VARS2: variants seen among roughly 807,000 people sequenced by gnomAD.
The protein encoded by VARS2 is valine--tRNA ligase, mitochondrial.
In VARS2, 105 loss-of-function variants were observed where a neutral mutation model predicts 154.1. The ratio of observed to expected loss-of-function variants is 0.68; its 90% CI spans 0.58 to 0.80. VARS2 has a LOEUF of 0.80. Among genes scored for constraint, VARS2 ranks in the 30% least tolerant of loss-of-function variants. The probability of loss-of-function intolerance (pLI) is 0.00; values close to 1 mark genes in which losing one functional copy is unlikely to be tolerated. For synonymous variants in VARS2, 483 were observed against 539.5 expected (o/e 0.90, Z 1.45); for missense variants, 1,157 against 1,361.4 (o/e 0.85, Z 2.36).
rs1202610690 is a variant in VARS2 at position 30,915,708 on chromosome 6, A to G, written c.385-38A>G. 13 of 1,608,532 alleles carry G rather than the reference A, an allele frequency of 8.1e-6. 1 individual carries two copies. Among genetic ancestry groups the G allele is most frequent in the Middle Eastern group, 1.7e-4 (1 of 6,048 alleles). On this transcript the variant is annotated intron_variant, in intron 4 of 29. Coordinates refer to ENST00000676266, the MANE Select transcript of VARS2 (RefSeq NM_020442.6). The stretch of plus-strand genomic sequence containing the variant: ...TAGAGGGTGCTCTTTCCCCAATCCA[A>G]TTCTCTCTTGCCCCTTTGACTTTTT...
Position 30,921,334 on chromosome 6 carries a change from G to A in VARS2, c.1632+29G>A, listed in dbSNP as rs1487713586. 14 of 1,613,488 alleles carry A rather than the reference G, an allele frequency of 8.7e-6. No individual in the cohort carries two copies. In the Admixed American group the frequency reaches 1.3e-4, roughly 15 times the overall value. ...GGTAGGAAGAAGCACCCGGAGGGCC[G>A]AGTGTGGCACAGAGCACCTAGCCCA... On this transcript the variant is annotated intron_variant, in intron 17 of 29. Coordinates refer to ENST00000676266, the MANE Select transcript of VARS2 (RefSeq NM_020442.6). This position sits in a 1 kb window ranked among gnomAD's most constrained non-coding sequence, Gnocchi z 4.6.
In VARS2 at chr6:30,925,704, C is replaced by G. The variant is rs762055720; in HGVS notation, c.2946C>G (p.Val982=). 3.7e-6 allele frequency: 6 copies of G among 1,610,992 alleles called. No individual in the cohort carries two copies. In the African/African-American group the frequency reaches 5.3e-5, roughly 14 times the overall value. Residue 982 remains valine, a synonymous_variant, in exon 28 of 30, where the codon GTC becomes GTG. Coordinates refer to ENST00000676266, the MANE Select transcript of VARS2 (RefSeq NM_020442.6). ...AQAPLSDTAQ[V]YMELQGLVDP... ...CTCCACTCAGTGACACGGCTCAAGT[C>G]TACATGGAGCTGCAGGTGACCAGAG...
In VARS2 at chr6:30,915,226, G is replaced by A. The variant is rs1458568879; in HGVS notation, c.272G>A (p.Gly91Asp). Residue 91 changes from glycine to aspartate, a missense_variant, in exon 3 of 30, where the codon GGT (glycine) becomes GAT (aspartate). By Grantham distance (94) the Gly-to-Asp change is moderately conservative. Transcript: ENST00000676266. ...LVLYEIPTKPGEKKDVSGPLP... is the reference protein window; with the variant it reads ...LVLYEIPTKPDEKKDVSGPLP... Reference sequence around the variant, plus strand: ...TTGTATGAAATCCCTACGAAACCCGGTGAAAAGAAAGGTAAGTAGAATAAG... The same window carrying A: ...TTGTATGAAATCCCTACGAAACCCGATGAAAAGAAAGGTAAGTAGAATAAG... 6.2e-7 allele frequency: 1 copy of A among 1,614,184 alleles called. No homozygotes were observed. Among genetic ancestry groups the A allele is most frequent in the Non-Finnish European group, 8.5e-7 (1 of 1,180,014 alleles).
Position 30,916,734 on chromosome 6 carries a change from A to T in VARS2, c.672-144A>T. 1.3e-6 allele frequency: 1 copy of T among 752,852 alleles called. No homozygotes were observed. The highest frequency in any genetic ancestry group is 2.2e-6 in the Non-Finnish European group (1 of 445,390). The allele number at this position is 752,852 out of a possible 1,614,324, so 46.6% of individuals were successfully genotyped here. Reference sequence around the variant, plus strand: ...AACCCCATACTGGGTTTGTAAGTCCATTTCTATTAGCCTCTAGAGGCTAGA... The same window carrying T: ...AACCCCATACTGGGTTTGTAAGTCCTTTTCTATTAGCCTCTAGAGGCTAGA... On this transcript the variant is annotated intron_variant, in intron 7 of 29. Coordinates refer to ENST00000676266, the MANE Select transcript of VARS2 (RefSeq NM_020442.6). This position sits in a 1 kb window ranked among gnomAD's most constrained non-coding sequence, Gnocchi z 4.0.
chr6:30,926,369 T>A lies in VARS2; in HGVS notation c.*159T>A. 1.4e-6 allele frequency: 1 copy of A among 737,514 alleles called. No individual in the cohort carries two copies. The highest frequency in any genetic ancestry group is 2.2e-6 in the Non-Finnish European group (1 of 445,768). 45.7% of individuals were successfully genotyped at this position (737,514 alleles called of 1,614,324 possible). On this transcript the variant is annotated 3_prime_UTR_variant, in exon 30 of 30. Coordinates refer to ENST00000676266, the MANE Select transcript of VARS2 (RefSeq NM_020442.6). ...ACTGGCTTGGTCGCAGTGACTGTGG[T>A]GTCCTTGAGATGCTCACATTACTGC...
At position 30,920,548 on chromosome 6, in the gene VARS2, G is replaced by C. The variant is rs1794444259; in HGVS notation, c.1397+112G>C. 7.4e-7 allele frequency: 1 copy of C among 1,359,216 alleles called. No individual in the cohort carries two copies. 84.2% of individuals were successfully genotyped at this position (1,359,216 alleles called of 1,614,324 possible). ...CCCTCCGTTAGAATACGAGCTCCGT[G>C]TCGGTTTTATTCGCTATTGTATCCT... On this transcript the variant is annotated intron_variant, in intron 14 of 29. Coordinates refer to ENST00000676266, the MANE Select transcript of VARS2 (RefSeq NM_020442.6). The surrounding 1 kb of genome is among the most constrained non-coding windows in gnomAD (Gnocchi z 4.6).
chr6:30,926,164 G>T lies in VARS2; in HGVS notation c.3146G>T (p.Arg1049Leu). Reference sequence around the variant, plus strand: ...CTGGACAAGGCAGCCTCTCACCTCCGGCAGCTGATGGATGAGCCTCCAGCC... The same window carrying T: ...CTGGACAAGGCAGCCTCTCACCTCCTGCAGCTGATGGATGAGCCTCCAGCC... ...SKLDKAASHL[R>L]QLMDEPPAPG... Residue 1049 changes from arginine to leucine, a missense_variant, in exon 30 of 30, where the codon CGG (arginine) becomes CTG (leucine). By Grantham distance (102) the Arg-to-Leu change is moderately radical. Coordinates refer to ENST00000676266, the MANE Select transcript of VARS2 (RefSeq NM_020442.6). 6.2e-7 allele frequency: 1 copy of T among 1,612,990 alleles called. No individual in the cohort carries two copies. The highest frequency in any genetic ancestry group is 8.5e-7 in the Non-Finnish European group (1 of 1,180,006).
intron 28 of VARS2, 41 bp from the exon 29 acceptor site, chr6:30,925,839 G>A (rs982080719): frequency 4.3e-6 from 7 of 1,611,328 alleles, no homozygotes; most frequent in Non-Finnish European, 5.9e-6. Context: ...AGGCCTGGCA[G>A]CAGGCGGATG....
intron 25 of VARS2, 183 bp downstream of exon 25, chr6:30,923,688 C>T (rs1346701917): frequency 2.5e-6 from 2 of 808,430 alleles, no homozygotes; most frequent in Non-Finnish European, 1.9e-6. Context: ...GCAGCCCAGG[C>T]ACTGTTGCCT....
At position 30,915,815 on chromosome 6, in the gene VARS2, C is replaced by T. The variant is rs1794122802; in HGVS notation, c.454C>T (p.Leu152=). The T allele has an allele frequency of 6.2e-7, 1 of 1,614,038 alleles. No individual in the cohort carries two copies. Among genetic ancestry groups the T allele is most frequent in the South Asian group, 1.1e-5 (1 of 91,088 alleles). ...CIPPPNVTGS[L]HIGHALTVAI... is the part of the protein sequence containing the mutation. ...CCCACCTCCCAATGTCACTGGCTCC[C>T]TGCACATTGGCCACGCACTCACGGT... Residue 152 remains leucine, a synonymous_variant, in exon 5 of 30, where the codon CTG becomes TTG. Coordinates refer to ENST00000676266, the MANE Select transcript of VARS2 (RefSeq NM_020442.6).
intron 20 of VARS2, 65 bp from the exon 21 acceptor site, chr6:30,922,385 G>A: frequency 1.9e-6 from 3 of 1,607,570 alleles, no homozygotes; most frequent in Non-Finnish European, 2.6e-6. Context: ...CCAAAAGTAT[G>A]GAGGCCAGAG....
chr6:30,922,809 G>A, intron 22 of VARS2, 35 bp downstream of exon 22: 4 of 1,591,946 alleles, frequency 2.5e-6, no homozygotes, highest in Non-Finnish European at 3.4e-6. Flanking sequence ...ACCAGCTCTA[G>A]CTCACCACCT....
chr6:30,923,021 CA>C, intron 23 of VARS2, 45 bp downstream of exon 23: 1 of 1,603,714 alleles, frequency 6.2e-7, no homozygotes, highest in Non-Finnish European at 8.5e-7. Flanking sequence ...GGGCAGCGGG[CA>C]CCTGTGCAGG....
Position 30,923,175 on chromosome 6 carries a change from C to T in VARS2, c.2257C>T (p.Leu753Phe), listed in dbSNP as rs767770438. 5.6e-6 allele frequency: 9 copies of T among 1,613,146 alleles called. No homozygotes were observed. In the South Asian group the frequency reaches 9.9e-5, roughly 18 times the overall value. Residue 753 changes from leucine (L) to phenylalanine (F), a missense_variant, in exon 24 of 30, where the codon CTT (leucine) becomes TTT (phenylalanine). Coordinates refer to ENST00000676266, the MANE Select transcript of VARS2 (RefSeq NM_020442.6). ...TTTCTGCAACAAGATCTGGAATGCT[C>T]TTCGCTTTATCCTCAATGCTTTAGG... ...RHFCNKIWNA[L>F]RFILNALGEK...
intron 26 of VARS2, 38 bp from the exon 27 acceptor site, chr6:30,925,236 G>A: frequency 1.9e-6 from 3 of 1,542,476 alleles, no homozygotes; most frequent in Non-Finnish European, 2.7e-6. Flanking sequence ...AGTCTCCCAG[G>A]AGCCCCTTTG....
Position 30,924,570 on chromosome 6 carries a change from A to T in VARS2, c.2673+10A>T. On this transcript the variant is annotated intron_variant, in intron 26 of 29. Coordinates refer to ENST00000676266, the MANE Select transcript of VARS2 (RefSeq NM_020442.6). Reference sequence around the variant, plus strand: ...CAGCGCCTGCAGCTTGGTGAGTCCCAAGCACCTTGGAGTGGGTCTGTGGGT... The same window carrying T: ...CAGCGCCTGCAGCTTGGTGAGTCCCTAGCACCTTGGAGTGGGTCTGTGGGT... 2 of 1,502,696 alleles carry T rather than the reference A, an allele frequency of 1.3e-6. No individual in the cohort carries two copies. Among genetic ancestry groups the T allele is most frequent in the Admixed American group, 2.1e-5 (1 of 48,686 alleles). The allele number at this position is 1,502,696 out of a possible 1,614,324, so 93.1% of individuals were successfully genotyped here. A position where few individuals can be genotyped will look rare whatever the true frequency, so the allele number is the denominator to read the frequency against.
chr6:30,916,042 A>G lies in VARS2; in HGVS notation c.568A>G (p.Thr190Ala). Reference protein sequence around the residue: ...VPGSDHAGIATQAVVEKQLWK... With the variant: ...VPGSDHAGIAAQAVVEKQLWK... ...TGGTTCAGATCATGCAGGAATTGCTACACAAGTATGTCTTTTGTTACCTGT... is the reference window on the plus strand; with the variant it reads ...TGGTTCAGATCATGCAGGAATTGCTGCACAAGTATGTCTTTTGTTACCTGT... Residue 190 changes from threonine to alanine, a missense_variant, in exon 6 of 30, where the codon ACA becomes GCA. Transcript: ENST00000676266. This position sits in a 1 kb window ranked among gnomAD's most constrained non-coding sequence, Gnocchi z 4.0. The G allele has an allele frequency of 6.2e-7, 1 of 1,614,026 alleles. No individual in the cohort carries two copies. Among genetic ancestry groups the G allele is most frequent in the African/African-American group, 1.3e-5 (1 of 75,042 alleles).
At chr6:30,922,841 G>C (rs1238585570) in intron 22 of VARS2, 57 bp from the exon 23 acceptor site, 3 of 1,582,348 alleles carry the variant, frequency 1.9e-6, no homozygotes, top group African/African-American at 2.7e-5. Flanking sequence ...TGCAACCCAG[G>C]TCCTGGCCCT....
chr6:30,926,379 A>G lies in VARS2; in HGVS notation c.*169A>G. 1.5e-6 allele frequency: 1 copy of G among 688,894 alleles called. No individual in the cohort carries two copies. The highest frequency in any genetic ancestry group is 1.9e-5 in the South Asian group (1 of 53,990). The allele number at this position is 688,894 out of a possible 1,614,324, so 42.7% of individuals were successfully genotyped here. A position where few individuals can be genotyped will look rare whatever the true frequency, so the allele number is the denominator to read the frequency against. ...TCGCAGTGACTGTGGTGTCCTTGAG[A>G]TGCTCACATTACTGCCCGGCCTGCC... On this transcript the variant is annotated 3_prime_UTR_variant, in exon 30 of 30. Coordinates refer to ENST00000676266, the MANE Select transcript of VARS2 (RefSeq NM_020442.6).
Sources: allele counts gnomAD v4.1 joint callset, GRCh38; gene constraint gnomAD v4.1.1; non-coding constraint Gnocchi (gnomAD v3.1); transcripts MANE v1.5; gene names NCBI Gene and HGNC (gene_info 2026-07-23, HGNC 2026-07-21).